The following PRPSAP2 variants were observed in gnomAD, a reference collection of about 807,000 sequenced individuals.
PRPSAP2 encodes the protein phosphoribosyl pyrophosphate synthase-associated protein 2.
PRPSAP2 carries 24 observed loss-of-function variants against 40.6 expected under a neutral mutation model. The ratio of observed to expected loss-of-function variants is 0.59; its 90% CI spans 0.43 to 0.83. PRPSAP2 has a LOEUF of 0.83. PRPSAP2 is among the 40% of genes least tolerant of loss of function. The probability of loss-of-function intolerance (pLI) is 0.00; values close to 1 mark genes in which losing one functional copy is unlikely to be tolerated. For synonymous variants in PRPSAP2, 149 were observed against 164.7 expected (o/e 0.90, Z 0.73); for missense variants, 292 against 465.6 (o/e 0.63, Z 3.43).
rs528615266 is a variant in PRPSAP2 at position 18,909,281 on chromosome 17, G to A, written c.585-1822G>A. Among the ~76,000 whole-genome samples the A allele has an allele frequency of 2.9e-3, 387 of 135,028 alleles. 1 individual carries two copies. The highest frequency in any genetic ancestry group is 9.6e-3 in the African/African-American group (343 of 35,778). The allele number at this position is 135,028 out of a possible 152,430, so 88.6% of individuals were successfully genotyped here. A position where few individuals can be genotyped will look rare whatever the true frequency, so the allele number is the denominator to read the frequency against. ...TTTTGAGATGGAGTCTCGCTCTGTC[G>A]CCCAGGCTGGAGTGCATTGGCACTA... On this transcript the variant is annotated intron_variant, in intron 8 of 11. Coordinates refer to ENST00000268835, the MANE Select transcript of PRPSAP2 (RefSeq NM_002767.4).
chr17:18,885,429 A>AAAAAAAAAAAT lies in PRPSAP2; in HGVS notation c.528+2746_528+2747insAAAAAAAAAAT, dbSNP rs59891086. Among the ~76,000 whole-genome samples the AAAAAAAAAAAT allele has an allele frequency of 1.9e-4, 21 of 109,270 alleles. 1 individual carries two copies. The highest frequency in any genetic ancestry group is 2.5e-4 in the African/African-American group (7 of 28,298). The allele number at this position is 109,270 out of a possible 152,430, so 71.7% of individuals were successfully genotyped here. A position where few individuals can be genotyped will look rare whatever the true frequency, so the allele number is the denominator to read the frequency against. Reference sequence around the variant, plus strand: ...AAAAAAAAAAAAAAAAAAAAAAAAAATTAATATGTGGGAACTCAGTGTTAA... The same window carrying AAAAAAAAAAAT: ...AAAAAAAAAAAAAAAAAAAAAAAAAAAAAAAAAAAATTTAATATGTGGGAACTCAGTGTTAA... On this transcript the variant is annotated intron_variant, in intron 7 of 11. Transcript: ENST00000268835.
At chr17:18,928,448 C>A (rs978669946) in intron 10 of PRPSAP2, 1 of 282,952 alleles carries the variant, frequency 3.5e-6, no homozygotes, top group African/African-American at 2.2e-5. Flanking sequence ...AACACTTTTT[C>A]TGTGCATTAA....
intron 8 of PRPSAP2, among the ~76,000 whole-genome samples, chr17:18,903,818 T>C (rs8067882): frequency 0.54 from 82,188 of 152,072 alleles, 22,551 homozygotes; most frequent in Middle Eastern, 0.6. Context: ...CTGGTTGTCT[T>C]ATATCCCGTA....
At chr17:18,922,101 CTTCT>C (rs1365976691) in intron 9 of PRPSAP2, among the ~76,000 whole-genome samples, 4 of 152,144 alleles carry the variant, frequency 2.6e-5, no homozygotes, top group African/African-American at 7.2e-5. Context: ...TTGTATCTGG[CTTCT>C]TTCTTTGAGC....
At chr17:18,905,536 G>A (rs2040528666) in intron 8 of PRPSAP2, among the ~76,000 whole-genome samples, 1 of 152,026 alleles carries the variant, frequency 6.6e-6, no homozygotes, top group African/African-American at 2.4e-5. Flanking sequence ...CAACTCTTTT[G>A]AAGACTCTGC....
At chr17:18,926,236 A>ATTTAT (rs2041961683) in intron 10 of PRPSAP2, among the ~76,000 whole-genome samples, 2 of 145,162 alleles carry the variant, frequency 1.4e-5, no homozygotes, top group Admixed American at 6.9e-5. Context: ...GTGCCACTGC[A>ATTTAT]TTATTTATTT....
intron 1 of PRPSAP2, among the ~76,000 whole-genome samples, chr17:18,863,340 C>T (rs2037179172): frequency 6.6e-6 from 1 of 152,032 alleles, no homozygotes; most frequent in Admixed American, 6.6e-5. Flanking sequence ...GTCAGCCCAC[C>T]TTGGCCTCAC....
intron 5 of PRPSAP2, among the ~76,000 whole-genome samples, chr17:18,876,391 A>T (rs2038299260): frequency 6.6e-6 from 1 of 152,186 alleles, no homozygotes; most frequent in South Asian, 2.1e-4. Flanking sequence ...GTTAATTAAC[A>T]GGGTGAAAGT....
At chr17:18,866,213 C>T (rs1033340981) in intron 3 of PRPSAP2, among the ~76,000 whole-genome samples, 14 of 151,558 alleles carry the variant, frequency 9.2e-5, no homozygotes, top group African/African-American at 2.9e-4. Flanking sequence ...TTATTGAGTG[C>T]CTTATAAGTG....
At chr17:18,914,760 T>A (rs944614123) in intron 9 of PRPSAP2, among the ~76,000 whole-genome samples, 4 of 150,948 alleles carry the variant, frequency 2.6e-5, no homozygotes, top group African/African-American at 9.7e-5. Flanking sequence ...AGTCTCACTC[T>A]GTCACCCAGG....
chr17:18,864,003 CTTATTT>C (rs952777611), intron 1 of PRPSAP2, among the ~76,000 whole-genome samples: 1 of 151,402 alleles, frequency 6.6e-6, no homozygotes, highest in African/African-American at 2.4e-5. Flanking sequence ...CCATGCCTGG[CTTATTT>C]TTATTTTTAT....
intron 5 of PRPSAP2, among the ~76,000 whole-genome samples, chr17:18,875,047 GTTTA>G (rs2151898649): frequency 6.6e-6 from 1 of 152,096 alleles, no homozygotes; most frequent in South Asian, 2.1e-4. Context: ...CCTTCTGGTT[GTTTA>G]TTTTTGTACA....
At chr17:18,899,693 G>C (rs916186000) in intron 8 of PRPSAP2, among the ~76,000 whole-genome samples, 3 of 150,420 alleles carry the variant, frequency 2.0e-5, no homozygotes, top group African/African-American at 7.3e-5. Context: ...CGTGTCTTGC[G>C]AATTTATTTT....
Position 18,923,024 on chromosome 17 carries a change from T to C in PRPSAP2, c.734-890T>C, listed in dbSNP as rs114739876. Among the ~76,000 whole-genome samples, 742 of 151,838 alleles carry C rather than the reference T, an allele frequency of 4.9e-3. 5 individuals carry two copies. The highest frequency in any genetic ancestry group is 0.017 in the African/African-American group (704 of 41,482). On this transcript the variant is annotated intron_variant, in intron 9 of 11. Transcript: ENST00000268835. ...CTAGACTCTTACCAGATACATGATATGCAAATATTTTCTGCCATTCTGTAG... is the reference window on the plus strand; with the variant it reads ...CTAGACTCTTACCAGATACATGATACGCAAATATTTTCTGCCATTCTGTAG...
intron 1 of PRPSAP2, among the ~76,000 whole-genome samples, chr17:18,863,117 G>A (rs898761101): frequency 1.3e-5 from 2 of 151,956 alleles, no homozygotes; most frequent in Admixed American, 1.3e-4. Flanking sequence ...ACCGTGCCCG[G>A]CAATTTTTTA....
intron 8 of PRPSAP2, among the ~76,000 whole-genome samples, chr17:18,893,594 A>G (rs2039719642): frequency 6.6e-6 from 1 of 150,480 alleles, no homozygotes; most frequent in African/African-American, 2.5e-5. Context: ...GTTTTTAAGA[A>G]AAAAAAAAAC....
intron 7 of PRPSAP2, among the ~76,000 whole-genome samples, chr17:18,886,347 T>A (rs1283247992): frequency 6.6e-6 from 1 of 151,966 alleles, no homozygotes; most frequent in Admixed American, 6.6e-5. Flanking sequence ...CTTGAAATTT[T>A]TGCCATCTAT....
chr17:18,911,160 G>A lies in PRPSAP2; in HGVS notation c.642G>A (p.Ala214=), dbSNP rs201959233. ...GAATTGCAGTGATTCATGGAGAGGCGCAGGATGCCGAGTCGGACTTGGTGG... is the reference window on the plus strand; with the variant it reads ...GAATTGCAGTGATTCATGGAGAGGCACAGGATGCCGAGTCGGACTTGGTGG... The part of the protein sequence containing the change: ...RLGIAVIHGE[A]QDAESDLVDG... The change falls in exon 9 of 12, where the codon GCG becomes GCA. Residue 214 remains alanine (A), a synonymous_variant. Transcript: ENST00000268835. The surrounding 1 kb of genome is among the most constrained non-coding windows in gnomAD (Gnocchi z 4.5). 1.2e-5 allele frequency: 20 copies of A among 1,613,932 alleles called. No individual in the cohort carries two copies. The highest frequency in any genetic ancestry group is 6.7e-5 in the Admixed American group (4 of 60,022).
chr17:18,861,699 C>A (rs1164762401), intron 1 of PRPSAP2, among the ~76,000 whole-genome samples: 1 of 151,906 alleles, frequency 6.6e-6, no homozygotes, highest in Non-Finnish European at 1.5e-5. Flanking sequence ...CCATTTTAAA[C>A]CATGAGAGAT....
Sources: allele counts gnomAD v4.1 joint callset (sites outside exome capture counted in the v4.1 genomes callset), GRCh38; gene constraint gnomAD v4.1.1; non-coding constraint Gnocchi (gnomAD v3.1); transcripts MANE v1.5; gene names NCBI Gene and HGNC (gene_info 2026-07-23, HGNC 2026-07-21).